TRMT9B: variants seen among roughly 807,000 people sequenced by gnomAD.
TRMT9B encodes probable tRNA methyltransferase 9B.
In TRMT9B, 16 loss-of-function variants were observed where a neutral mutation model predicts 11.5. The ratio of observed to expected loss-of-function variants is 1.39; its 90% confidence interval spans 0.94 to 2.11. The LOEUF (loss-of-function observed/expected upper bound fraction) is 2.11, where lower values mean the gene tolerates loss of function less well. TRMT9B is among the 30% of genes most tolerant of loss of function. The pLI is 0.00. For missense variants in TRMT9B, 941 were observed against 553.8 expected (o/e 1.70, Z -7.02); for synonymous variants, 274 against 192.4 (o/e 1.42, Z -3.51).
chr8:12,968,539 T>C (rs1803139260), intron 1 of TRMT9B, among the ~76,000 whole-genome samples: 2 of 152,206 alleles, frequency 1.3e-5, no homozygotes, highest in African/African-American at 4.8e-5. Flanking sequence ...GTCTGCATTT[T>C]AATGGAATGC....
chr8:13,018,622 A>T (rs1281340426), intron 4 of TRMT9B, among the ~76,000 whole-genome samples: 1 of 152,206 alleles, frequency 6.6e-6, no homozygotes, highest in Non-Finnish European at 1.5e-5. Flanking sequence ...ATTCAGTGGA[A>T]TATAGAATCC....
intron 1 of TRMT9B, among the ~76,000 whole-genome samples, chr8:12,968,641 C>CTGGGAGGAGTCAGTCCTCAGGG (rs1359389845): frequency 2.0e-5 from 3 of 152,154 alleles, no homozygotes; most frequent in Admixed American, 6.5e-5. Context: ...ACTCCCTACT[C>CTGGGAGGAGTCAGTCCTCAGGG]TGGGAGGAGT....
intron 1 of TRMT9B, among the ~76,000 whole-genome samples, chr8:12,950,474 T>C (rs1480586360): frequency 6.6e-6 from 1 of 152,226 alleles, no homozygotes; most frequent in Non-Finnish European, 1.5e-5. Context: ...GAAGCAAGGA[T>C]GAGCTGCTGC....
intron 1 of TRMT9B, among the ~76,000 whole-genome samples, chr8:12,948,738 A>G (rs915586175): frequency 6.6e-6 from 1 of 152,100 alleles, no homozygotes; most frequent in Non-Finnish European, 1.5e-5. Context: ...AGGCGGGTGG[A>G]TCACGAGGTC....
chr8:12,955,568 G>T (rs1052319622), intron 1 of TRMT9B, among the ~76,000 whole-genome samples: 3 of 152,084 alleles, frequency 2.0e-5, no homozygotes. Flanking sequence ...TGAACTTCTT[G>T]TTCTTAAAGG....
chr8:13,002,015 C>T (rs1045783578), intron 2 of TRMT9B, among the ~76,000 whole-genome samples: 4 of 151,980 alleles, frequency 2.6e-5, no homozygotes, highest in Non-Finnish European at 5.9e-5. Context: ...AATTTAAATC[C>T]GCAGCATTTA....
At chr8:12,984,718 G>T (rs1440573326) in intron 1 of TRMT9B, among the ~76,000 whole-genome samples, 1 of 152,098 alleles carries the variant, frequency 6.6e-6, no homozygotes, top group Non-Finnish European at 1.5e-5. Flanking sequence ...ATGCCTAGGG[G>T]AAGCCGGGCG....
intron 1 of TRMT9B, among the ~76,000 whole-genome samples, chr8:12,983,874 G>C (rs1305659065): frequency 6.6e-6 from 1 of 152,076 alleles, no homozygotes; most frequent in Admixed American, 6.6e-5. Flanking sequence ...AGCTGACACA[G>C]GTATCTCATG....
intron 1 of TRMT9B, among the ~76,000 whole-genome samples, chr8:12,953,439 TC>T (rs1800904226): frequency 6.6e-6 from 1 of 152,080 alleles, no homozygotes; most frequent in Admixed American, 6.6e-5. Context: ...AACTTCCGTC[TC>T]CCGAGTTCAA....
intron 1 of TRMT9B, among the ~76,000 whole-genome samples, chr8:12,965,958 A>C (rs1020575286): frequency 2.0e-5 from 3 of 151,886 alleles, no homozygotes; most frequent in East Asian, 1.9e-4. Context: ...AGTAGTAGTG[A>C]GCCAAGATAG....
intron 1 of TRMT9B, among the ~76,000 whole-genome samples, chr8:12,955,917 C>A (rs987688484): frequency 6.6e-6 from 1 of 152,112 alleles, no homozygotes; most frequent in Non-Finnish European, 1.5e-5. Context: ...TCAGAACCAC[C>A]GCTAGAACTG....
chr8:13,010,244 T>C lies in TRMT9B; in HGVS notation c.155-2440T>C, dbSNP rs971348964. 3.4e-6 allele frequency: 3 copies of C among 884,418 alleles called. No individual in the cohort carries two copies. In the African/African-American group the frequency reaches 5.5e-5, roughly 16 times the overall value. The allele number at this position is 884,418 out of a possible 1,614,324, so 54.8% of individuals were successfully genotyped here. A position where few individuals can be genotyped will look rare whatever the true frequency, so the allele number is the denominator to read the frequency against. The stretch of plus-strand genomic sequence containing the variant: ...TTTTGCCAATTTGTATCTTTTGAAT[T>C]TTGTACTATATACATTTTTTAAACT... On this transcript the variant is annotated intron_variant, in intron 3 of 4. Transcript: ENST00000524591.
intron 1 of TRMT9B, among the ~76,000 whole-genome samples, chr8:12,971,114 C>T: frequency 6.6e-6 from 1 of 152,048 alleles, no homozygotes; most frequent in East Asian, 1.9e-4. Flanking sequence ...TGTATCTTTG[C>T]CTTGGGAACA....
At chr8:12,951,996 C>G (rs1235234182) in intron 1 of TRMT9B, 1 of 164,216 alleles carries the variant, frequency 6.1e-6, no homozygotes, top group African/African-American at 2.4e-5. Context: ...CGCACCCTGC[C>G]GCCCGCACCC....
chr8:12,949,831 A>C (rs2128855247), intron 1 of TRMT9B, among the ~76,000 whole-genome samples: 1 of 152,146 alleles, frequency 6.6e-6, no homozygotes, highest in South Asian at 2.1e-4. Flanking sequence ...ATACTTTCTC[A>C]CTTCCACTCC....
At chr8:12,950,383 TAGAAG>T (rs1293048824) in intron 1 of TRMT9B, among the ~76,000 whole-genome samples, 1 of 152,200 alleles carries the variant, frequency 6.6e-6, no homozygotes, top group African/African-American at 2.4e-5. Context: ...AATGCACTGT[TAGAAG>T]AGGACAAGGA....
rs756406964 is a variant in TRMT9B at position 13,021,558 on chromosome 8, C to T, written c.879C>T (p.Asp293=). The change falls in exon 5 of 5, where the codon GAC becomes GAT. Residue 293 remains aspartate (D), a synonymous_variant. Transcript: ENST00000524591. Reference sequence around the variant, plus strand: ...AGCCTTCCAGACACTCTAGTTTAGACTTTGATCACCAAGAGCCATTTTCAA... The same window carrying T: ...AGCCTTCCAGACACTCTAGTTTAGATTTTGATCACCAAGAGCCATTTTCAA... ...TVQPSRHSSL[D]FDHQEPFSTK... is the part of the protein sequence containing the mutation. 5 of 1,613,912 alleles carry T rather than the reference C, an allele frequency of 3.1e-6. No individual in the cohort carries two copies. The highest frequency in any genetic ancestry group is 2.2e-5 in the East Asian group (1 of 44,872).
intron 2 of TRMT9B, among the ~76,000 whole-genome samples, chr8:13,000,162 G>A (rs1022304285): frequency 6.6e-6 from 1 of 152,190 alleles, no homozygotes; most frequent in African/African-American, 2.4e-5. Context: ...AGTGATAAGG[G>A]ATAGGGAACT....
intron 2 of TRMT9B, among the ~76,000 whole-genome samples, chr8:13,003,897 G>GAAGA (rs1359032382): frequency 3.3e-5 from 5 of 150,894 alleles, no homozygotes; most frequent in Non-Finnish European, 5.9e-5. Flanking sequence ...AGGAAGCACA[G>GAAGA]AAGAGGGTGA....
Sources: gnomAD v4.1 joint callset for allele counts (sites outside exome capture counted in the v4.1 genomes callset) on GRCh38, gnomAD v4.1.1 for gene constraint, MANE v1.5 for transcripts, NCBI Gene and HGNC (gene_info 2026-07-23, HGNC 2026-07-21) for gene names.